Variants in LITAF observed in about 807,000 individuals in gnomAD.
The protein encoded by LITAF is lipopolysaccharide induced TNF factor.
A neutral mutation model predicts 14.5 loss-of-function variants in LITAF; 9 were observed. The observed-to-expected ratio is 0.62, with a 90% confidence interval of 0.37 to 1.08. The LOEUF is 1.08. Among genes scored for constraint, LITAF ranks in the 50% least tolerant of loss-of-function variants. LITAF has a pLI of 0.01. For synonymous variants in LITAF, 98 were observed against 88.2 expected (o/e 1.11, Z -0.62); for missense variants, 206 against 213.4 (o/e 0.97, Z 0.22).
intron 3 of LITAF, among the ~76,000 whole-genome samples, chr16:11,622,395 C>G (rs1465134247): frequency 2.6e-5 from 4 of 152,256 alleles, no homozygotes; most frequent in African/African-American, 9.6e-5. Flanking sequence ...CATCTGAGCT[C>G]AGGCCCAGGA....
At chr16:11,562,303 G>C (rs1597338596) in intron 1 of LITAF, among the ~76,000 whole-genome samples, 1 of 106,902 alleles carries the variant, frequency 9.4e-6, no homozygotes. Flanking sequence ...GACTGAGCGA[G>C]ACTCCGTCTC....
intron 1 of LITAF, among the ~76,000 whole-genome samples, chr16:11,570,029 C>CAAAAAAAAAAAAAAA (rs61431032): frequency 8.1e-6 from 1 of 122,830 alleles, no homozygotes; most frequent in African/African-American, 3.0e-5. Flanking sequence ...GACTTTGCCT[C>CAAAAAAAAAAAAAAA]AAAAAAAAAA....
chr16:11,601,673 A>G (rs2064929191), upstream of LITAF, among the ~76,000 whole-genome samples: 1 of 152,036 alleles, frequency 6.6e-6, no homozygotes, highest in Admixed American at 6.6e-5. Flanking sequence ...GGGCTCAATC[A>G]ATCCTCCCCT....
chr16:11,636,203 GGT>G (rs2065137545), intron 1 of LITAF: 1 of 152,166 alleles, frequency 6.6e-6, no homozygotes, highest in African/African-American at 2.4e-5. Context: ...AGATGGAATG[GGT>G]GCTAGTGAAG....
upstream of LITAF, among the ~76,000 whole-genome samples, chr16:11,588,389 G>A (rs1426094954): frequency 6.6e-6 from 1 of 152,000 alleles, no homozygotes; most frequent in Non-Finnish European, 1.5e-5. Flanking sequence ...GCATGTGCCA[G>A]CTACTCAGGA....
intron 3 of LITAF, among the ~76,000 whole-genome samples, chr16:11,606,088 C>T (rs2064953759): frequency 6.6e-6 from 1 of 151,868 alleles, no homozygotes. Flanking sequence ...TGGCACTGAC[C>T]TCTACACCCT....
At chr16:11,571,686 A>T (rs2064543307) in intron 1 of LITAF, among the ~76,000 whole-genome samples, 1 of 152,150 alleles carries the variant, frequency 6.6e-6, no homozygotes, top group South Asian at 2.1e-4. Flanking sequence ...AATCTGGTGA[A>T]TGTGGCCATC....
At chr16:11,559,137 T>G (rs1227592618) in intron 1 of LITAF, among the ~76,000 whole-genome samples, 1 of 151,990 alleles carries the variant, frequency 6.6e-6, no homozygotes, top group African/African-American at 2.4e-5. Context: ...ACACTTCTGG[T>G]CCCAGCTACC....
At chr16:11,602,068 T>C (rs1325238875), upstream of LITAF, among the ~76,000 whole-genome samples, 1 of 152,196 alleles carries the variant, frequency 6.6e-6, no homozygotes, top group Non-Finnish European at 1.5e-5. Context: ...AAGATAACTC[T>C]GCCCAATGGG....
intron 1 of LITAF, among the ~76,000 whole-genome samples, chr16:11,557,680 G>C (rs1463138935): frequency 6.6e-6 from 1 of 152,102 alleles, no homozygotes; most frequent in African/African-American, 2.4e-5. Context: ...TGTACTCCTG[G>C]GGGCAAGTGA....
chr16:11,594,881 A>G (rs1357119634), intron 1 of LITAF, among the ~76,000 whole-genome samples: 1 of 88,082 alleles, frequency 1.1e-5, no homozygotes, highest in Non-Finnish European at 2.2e-5. Flanking sequence ...ATCTCAAAAA[A>G]ATAAAAAAAA....
upstream of LITAF, among the ~76,000 whole-genome samples, chr16:11,637,504 T>C (rs965533769): frequency 3.9e-5 from 6 of 152,212 alleles, no homozygotes; most frequent in African/African-American, 1.4e-4. Flanking sequence ...ACCTATGGCC[T>C]GGTAAAACTG....
At position 11,558,850 on chromosome 16, in the gene LITAF, C is replaced by T. The variant is rs2064314014; in HGVS notation, c.-5-2115G>A. ...GAGAACACGTGTTCAAGACTTCTTT[C>T]TATCAGAGTGCTGTCCAACAGAATC... On this transcript the variant is annotated intron_variant, in intron 1 of 3. Transcript: ENST00000622633. The surrounding 1 kb of genome is among the most constrained non-coding windows in gnomAD (Gnocchi z 4.1). Among the ~76,000 whole-genome samples, 1 of 152,202 alleles carries T rather than the reference C, an allele frequency of 6.6e-6. No homozygotes were observed. Among genetic ancestry groups the T allele is most frequent in the Non-Finnish European group, 1.5e-5 (1 of 68,042 alleles).
chr16:11,557,582 T>C (rs919748585), intron 1 of LITAF, among the ~76,000 whole-genome samples: 1 of 152,150 alleles, frequency 6.6e-6, no homozygotes, highest in Middle Eastern at 3.2e-3. Context: ...CCCAGGTAGC[T>C]GGGACTACAG....
rs949300089 is a variant in LITAF, at chr16:11,632,659, C to A, written c.85+874G>T. Among the ~76,000 whole-genome samples, 3 of 152,212 alleles carry A rather than the reference C, an allele frequency of 2.0e-5. No individual in the cohort carries two copies. The highest frequency in any genetic ancestry group is 7.2e-5 in the African/African-American group (3 of 41,462). ...CCAGAGCCAGGGGAAGAACTGATGG[C>A]TGGACCCCAGGCCCAAGGCAGATGC... is the stretch of plus-strand genomic sequence containing the variant. On this transcript the variant is annotated intron_variant, in intron 3 of 3. Transcript: ENST00000574848. This position sits in a 1 kb window ranked among gnomAD's most constrained non-coding sequence, Gnocchi z 4.8.
intron 1 of LITAF, among the ~76,000 whole-genome samples, chr16:11,580,797 G>T (rs1293353982): frequency 1.9e-5 from 2 of 106,708 alleles, no homozygotes; most frequent in Non-Finnish European, 4.4e-5. Flanking sequence ...ACAGGGTCTT[G>T]TCTGTCACTC....
intron 1 of LITAF, among the ~76,000 whole-genome samples, chr16:11,574,545 A>G (rs1487223105): frequency 6.6e-6 from 1 of 152,018 alleles, no homozygotes; most frequent in Non-Finnish European, 1.5e-5. Flanking sequence ...TTTTTAATTA[A>G]AAAAGAAAGT....
intron 3 of LITAF, among the ~76,000 whole-genome samples, chr16:11,630,899 C>T (rs1236936828): frequency 6.6e-6 from 1 of 152,112 alleles, no homozygotes; most frequent in African/African-American, 2.4e-5. Flanking sequence ...GCCCGGCCTG[C>T]CATTACCTTT....
chr16:11,574,420 A>G (rs11645082), intron 1 of LITAF, among the ~76,000 whole-genome samples: 118,546 of 152,134 alleles, frequency 0.78, 46,737 homozygotes, highest in African/African-American at 0.89. Context: ...TTTGTCGGGA[A>G]GGGAACCAGG....
Sources: gnomAD v4.1 joint callset for allele counts (sites outside exome capture counted in the v4.1 genomes callset) on GRCh38, gnomAD v4.1.1 for gene constraint, Gnocchi (gnomAD v3.1) non-coding constraint, MANE v1.5 for transcripts, NCBI Gene and HGNC (gene_info 2026-07-23, HGNC 2026-07-21) for gene names.